CSGALNACT1: variants seen among roughly 807,000 people sequenced by gnomAD.
CSGALNACT1 encodes the protein beta4GalNAcT-1.
CSGALNACT1 carries 52 observed loss-of-function variants against 51.0 expected under a neutral mutation model. The ratio of observed to expected loss-of-function variants is 1.02; its 90% CI spans 0.82 to 1.29. The LOEUF (loss-of-function observed/expected upper bound fraction) is 1.29. Ranked by LOEUF, CSGALNACT1 falls within the 50% of genes most tolerant of loss-of-function variation. The probability of loss-of-function intolerance (pLI) is 0.00; values close to 1 mark genes in which losing one functional copy is unlikely to be tolerated. For synonymous variants in CSGALNACT1, 341 were observed against 254.4 expected (o/e 1.34, Z -3.24); for missense variants, 935 against 679.2 (o/e 1.38, Z -4.19).
At chr8:19,410,884 C>A (rs180807862) in intron 8 of CSGALNACT1, among the ~76,000 whole-genome samples, 1 of 152,202 alleles carries the variant, frequency 6.6e-6, no homozygotes, top group African/African-American at 2.4e-5. Flanking sequence ...GAGGTTCCAC[C>A]ACCCACAGCT....
intron 1 of CSGALNACT1, among the ~76,000 whole-genome samples, chr8:19,649,099 G>A (rs1030952053): frequency 1.3e-5 from 2 of 152,160 alleles, no homozygotes; most frequent in East Asian, 3.8e-4. Context: ...GCCAATAATT[G>A]TTAGCAATGT....
At chr8:19,670,431 G>C (rs2059701306) in intron 1 of CSGALNACT1, among the ~76,000 whole-genome samples, 1 of 151,976 alleles carries the variant, frequency 6.6e-6, no homozygotes, top group African/African-American at 2.4e-5. Context: ...TAGTTTATTA[G>C]CTTTTTAAAT....
At chr8:19,432,550 T>G (rs1190151277) in intron 6 of CSGALNACT1, among the ~76,000 whole-genome samples, 2 of 152,182 alleles carry the variant, frequency 1.3e-5, no homozygotes, top group African/African-American at 2.4e-5. Flanking sequence ...TGACTCCCAT[T>G]ATTCATATGT....
chr8:19,737,776 T>G (rs950170939), intron 1 of CSGALNACT1, among the ~76,000 whole-genome samples: 4 of 152,220 alleles, frequency 2.6e-5, no homozygotes, highest in Non-Finnish European at 5.9e-5. Context: ...AGCTAAATGC[T>G]ATTTTCACTT....
intron 4 of CSGALNACT1, among the ~76,000 whole-genome samples, chr8:19,497,488 G>C (rs977833454): frequency 1.3e-5 from 2 of 152,102 alleles, no homozygotes; most frequent in Non-Finnish European, 2.9e-5. Flanking sequence ...AAGCAATCAT[G>C]AGAACCAGAC....
chr8:19,442,566 G>A (rs1466416857), intron 5 of CSGALNACT1, among the ~76,000 whole-genome samples: 1 of 143,210 alleles, frequency 7.0e-6, no homozygotes, highest in East Asian at 2.1e-4. Context: ...TCTGGGGACT[G>A]TTGTGGCGTT....
At chr8:19,618,468 A>C (rs1589062973) in intron 1 of CSGALNACT1, among the ~76,000 whole-genome samples, 1 of 151,670 alleles carries the variant, frequency 6.6e-6, no homozygotes, top group African/African-American at 2.4e-5. Flanking sequence ...TGGTGAAGTC[A>C]CAACTCTACT....
At chr8:19,472,625 G>T (rs1386437560) in intron 4 of CSGALNACT1, among the ~76,000 whole-genome samples, 2 of 152,232 alleles carry the variant, frequency 1.3e-5, no homozygotes, top group Non-Finnish European at 2.9e-5. Context: ...CAATGTCAAA[G>T]TACAGCTCTT....
At chr8:19,738,087 G>C (rs35192805) in intron 1 of CSGALNACT1, among the ~76,000 whole-genome samples, 1 of 152,000 alleles carries the variant, frequency 6.6e-6, no homozygotes, top group Admixed American at 6.6e-5. Flanking sequence ...GTAGCCAGGC[G>C]CCATGGTTTG....
chr8:19,472,761 T>C (rs2068498559), intron 4 of CSGALNACT1, among the ~76,000 whole-genome samples: 1 of 152,230 alleles, frequency 6.6e-6, no homozygotes, highest in Non-Finnish European at 1.5e-5. Flanking sequence ...GCTTATCAAC[T>C]TTCCAAAGCA....
chr8:19,475,848 C>T lies in CSGALNACT1; in HGVS notation c.635-17206G>A, dbSNP rs1010490968. ...ATGGCCTTACAGAGACAGCCTGGCA[C>T]GTGAGAAAGAGAGAACTGAATTTCC... On this transcript the variant is annotated intron_variant, in intron 4 of 9. Coordinates refer to ENST00000454498, the Ensembl canonical transcript of CSGALNACT1. Among the ~76,000 whole-genome samples the T allele has an allele frequency of 5.9e-5, 9 of 152,222 alleles. 1 individual carries two copies. Among genetic ancestry groups the T allele is most frequent in the Middle Eastern group, 3.4e-3 (1 of 292 alleles).
chr8:19,462,148 C>G (rs1232304018), intron 4 of CSGALNACT1, among the ~76,000 whole-genome samples: 1 of 152,198 alleles, frequency 6.6e-6, no homozygotes, highest in Non-Finnish European at 1.5e-5. Flanking sequence ...CCAGAGAGGG[C>G]CTAACTGCAG....
intron 5 of CSGALNACT1, among the ~76,000 whole-genome samples, chr8:19,454,591 A>C (rs2063747337): frequency 6.6e-6 from 1 of 152,170 alleles, no homozygotes; most frequent in Non-Finnish European, 1.5e-5. Flanking sequence ...GAATCGCTTG[A>C]ACCTGGGAGA....
At chr8:19,562,616 C>G (rs1459508289) in intron 3 of CSGALNACT1, among the ~76,000 whole-genome samples, 1 of 151,930 alleles carries the variant, frequency 6.6e-6, no homozygotes, top group Admixed American at 6.6e-5. Flanking sequence ...AATAAACAAC[C>G]CTATTAAAAA....
intron 1 of CSGALNACT1, among the ~76,000 whole-genome samples, chr8:19,621,277 A>G (rs1041949633): frequency 2.6e-5 from 4 of 151,972 alleles, no homozygotes; most frequent in South Asian, 4.2e-4. Context: ...TGATGAGGGG[A>G]AAAAAAACCC....
intron 1 of CSGALNACT1, among the ~76,000 whole-genome samples, chr8:19,741,739 TCTTA>T (rs925716185): frequency 5.3e-5 from 8 of 152,212 alleles, no homozygotes; most frequent in Non-Finnish European, 7.3e-5. Context: ...TGATCTGGCT[TCTTA>T]CTTAAGGAAC....
chr8:19,643,949 A>G (rs2056997584), intron 1 of CSGALNACT1, among the ~76,000 whole-genome samples: 1 of 152,218 alleles, frequency 6.6e-6, no homozygotes, highest in Non-Finnish European at 1.5e-5. Context: ...TGAGGAATCA[A>G]TCTAAATCAA....
At chr8:19,647,473 G>C (rs2057384049) in intron 1 of CSGALNACT1, among the ~76,000 whole-genome samples, 1 of 152,128 alleles carries the variant, frequency 6.6e-6, no homozygotes, top group African/African-American at 2.4e-5. Flanking sequence ...CTGTATCTTG[G>C]CATGTTATTT....
At chr8:19,630,447 G>C (rs1295163988) in intron 1 of CSGALNACT1, among the ~76,000 whole-genome samples, 1 of 151,662 alleles carries the variant, frequency 6.6e-6, no homozygotes, top group East Asian at 1.9e-4. Context: ...TCATGCATTG[G>C]TGTGGTATAT....
Sources: allele counts gnomAD v4.1 joint callset (sites outside exome capture counted in the v4.1 genomes callset), GRCh38; gene constraint gnomAD v4.1.1; transcripts MANE v1.5; gene names NCBI Gene and HGNC (gene_info 2026-07-23, HGNC 2026-07-21).